SCFD1: variants seen among roughly 807,000 people sequenced by gnomAD.
SCFD1 encodes sec1 family domain-containing protein 1.
Under a neutral mutation model 103.2 loss-of-function variants are expected in SCFD1, and 37 were observed. The observed-to-expected ratio is 0.36, with a 90% CI of 0.28 to 0.47. The LOEUF is 0.47. Among genes scored for constraint, SCFD1 ranks in the 20% least tolerant of loss-of-function variants. The pLI, the probability that SCFD1 is intolerant of heterozygous loss-of-function variation, is 1.00. For missense variants in SCFD1, 639 were observed against 761.2 expected, an observed-to-expected ratio of 0.84 and a Z score of 1.89; for synonymous variants, 264 against 245.0, an observed-to-expected ratio of 1.08 and a Z score of -0.73.
intron 20 of SCFD1, among the ~76,000 whole-genome samples, chr14:30,718,568 T>A (rs1036243103): frequency 7.9e-5 from 12 of 152,248 alleles, no homozygotes; most frequent in South Asian, 2.1e-4. Context: ...ATGAAGAGAT[T>A]AGCAAAATGC....
rs1413340603 is a variant in SCFD1, at chr14:30,702,357, A to G, written c.1472A>G (p.Gln491Arg). ...TDAGCNLNPL[Q>R]YIKQWKAFTK... Reference sequence around the variant, plus strand: ...GCAGGATGCAACCTTAATCCTTTACAATATATCAAACAGTGGAAGTAAGTT... The same window carrying G: ...GCAGGATGCAACCTTAATCCTTTACGATATATCAAACAGTGGAAGTAAGTT... The change falls in exon 17 of 25, where the codon CAA (glutamine) becomes CGA (arginine). Residue 491 changes from glutamine (Q) to arginine (R), a missense_variant. By Grantham distance (43) the Gln-to-Arg change is conservative. Transcript: ENST00000458591. The G allele has an allele frequency of 1.9e-6, 3 of 1,587,294 alleles. No homozygotes were observed. The highest frequency in any genetic ancestry group is 2.6e-6 in the Non-Finnish European group (3 of 1,163,618).
intron 14 of SCFD1, 34 bp downstream of exon 14, chr14:30,675,099 T>C: frequency 8.3e-7 from 1 of 1,209,624 alleles, no homozygotes; most frequent in Non-Finnish European, 1.2e-6. Flanking sequence ...ACAATATGAC[T>C]TGCATTTACA....
rs537821402 is a variant in SCFD1, at chr14:30,625,697, GTATAGGTA to G, written c.62-2484_62-2477del. On this transcript the variant is annotated intron_variant, in intron 1 of 24. Coordinates refer to ENST00000458591, the MANE Select transcript of SCFD1 (RefSeq NM_016106.4). ...TAGGCATATAGGTATACCTATATAG[GTATAGGTA>G]TATAGGTATATAGGTATATAGGTAT... Among the ~76,000 whole-genome samples, 642 of 147,926 alleles carry G rather than the reference GTATAGGTA, an allele frequency of 4.3e-3. 3 individuals carry two copies. Among genetic ancestry groups the G allele is most frequent in the Admixed American group, 8.2e-3 (122 of 14,960 alleles).
intron 10 of SCFD1, among the ~76,000 whole-genome samples, chr14:30,659,041 A>G (rs367758243): frequency 6.6e-6 from 1 of 152,258 alleles, no homozygotes; most frequent in African/African-American, 2.4e-5. Flanking sequence ...GATTTCATTC[A>G]CTTTTTAAAA....
At chr14:30,665,874 A>C (rs1202419274) in intron 10 of SCFD1, among the ~76,000 whole-genome samples, 3 of 152,350 alleles carry the variant, frequency 2.0e-5, no homozygotes, top group East Asian at 3.9e-4. Context: ...CTAATACAGG[A>C]GCAAAACAAG....
chr14:30,649,949 A>G (rs1886243464), intron 8 of SCFD1, among the ~76,000 whole-genome samples: 1 of 152,238 alleles, frequency 6.6e-6, no homozygotes, highest in South Asian at 2.1e-4. Flanking sequence ...AACCATTTTT[A>G]AAATGAAGTG....
intron 15 of SCFD1, among the ~76,000 whole-genome samples, chr14:30,696,064 A>G (rs1479243324): frequency 6.6e-6 from 1 of 152,228 alleles, no homozygotes; most frequent in Non-Finnish European, 1.5e-5. Context: ...TTTCCAAAAC[A>G]AATGGAAAGC....
At chr14:30,693,792 A>G (rs564313086) in intron 14 of SCFD1, among the ~76,000 whole-genome samples, 170 of 152,274 alleles carry the variant, frequency 1.1e-3, no homozygotes, top group African/African-American at 3.9e-3. Flanking sequence ...CCTTAATTAT[A>G]AAAATTGTTT....
rs367677201 is a variant in SCFD1, at chr14:30,622,346, C to T, written c.8C>T (p.Ala3Val). Reference protein sequence around the residue: MAAAAAATAAAAA... With the variant: MAVAAAATAAAAA... ...TGGCTCGTGGGAGCCAAGATGGCGG[C>T]GGCGGCGGCAGCGACAGCAGCAGCA... Residue 3 changes from alanine (A) to valine (V), a missense_variant, in exon 1 of 25, where the codon GCG (alanine) becomes GTG (valine). Coordinates refer to ENST00000458591, the MANE Select transcript of SCFD1 (RefSeq NM_016106.4). The T allele has an allele frequency of 9.1e-5, 143 of 1,572,284 alleles. 1 individual carries two copies. The highest frequency in any genetic ancestry group is 8.3e-4 in the Middle Eastern group (5 of 6,038).
chr14:30,630,462 G>A lies in SCFD1; in HGVS notation c.133-15G>A, dbSNP rs1178826940. 6.8e-7 allele frequency: 1 copy of A among 1,468,442 alleles called. No homozygotes were observed. 91.0% of individuals were successfully genotyped at this position (1,468,442 alleles called of 1,614,324 possible). On this transcript the variant is annotated splice_polypyrimidine_tract_variant and intron_variant, in intron 2 of 24. Coordinates refer to ENST00000458591, the MANE Select transcript of SCFD1 (RefSeq NM_016106.4). ...TTGTTCACTGATAATGATGACACAT[G>A]GTTTTTTTTAATAGGTACTCATTTA...
At chr14:30,649,679 A>G in intron 8 of SCFD1, 96 bp downstream of exon 8, 2 of 892,148 alleles carry the variant, frequency 2.2e-6, no homozygotes, top group Non-Finnish European at 3.5e-6. Flanking sequence ...TAAATATATG[A>G]TTGCTTGGTT....
chr14:30,657,977 A>G, intron 10 of SCFD1: 1 of 402,416 alleles, frequency 2.5e-6, no homozygotes, highest in Admixed American at 3.2e-5. Context: ...GGTTAAAAAA[A>G]AAAAGAAAAA....
At chr14:30,637,761 C>T (rs769795029) in intron 4 of SCFD1, among the ~76,000 whole-genome samples, 1 of 152,134 alleles carries the variant, frequency 6.6e-6, no homozygotes, top group Non-Finnish European at 1.5e-5. Flanking sequence ...TGTGTCATCA[C>T]ATGTCCAGAA....
intron 14 of SCFD1, among the ~76,000 whole-genome samples, chr14:30,681,096 G>A (rs570176121): frequency 9.9e-5 from 15 of 151,818 alleles, no homozygotes; most frequent in South Asian, 4.2e-4. Flanking sequence ...ACATGGTGGC[G>A]CACACCTGTA....
At chr14:30,662,305 C>T (rs1454491326) in intron 10 of SCFD1, among the ~76,000 whole-genome samples, 1 of 152,136 alleles carries the variant, frequency 6.6e-6, no homozygotes, top group Non-Finnish European at 1.5e-5. Context: ...TAGGTGTGCT[C>T]ATCTTCAAAT....
At chr14:30,643,207 C>T (rs2139062268) in intron 6 of SCFD1, 109 bp from the exon 7 acceptor site, 1 of 807,008 alleles carries the variant, frequency 1.2e-6, no homozygotes, top group East Asian at 2.6e-5. Flanking sequence ...ATTTCACTTG[C>T]TGAGTTTTAT....
chr14:30,672,035 A>T (rs969987907), intron 11 of SCFD1, among the ~76,000 whole-genome samples: 2 of 151,624 alleles, frequency 1.3e-5, no homozygotes, highest in African/African-American at 4.9e-5. Flanking sequence ...AAAAGAAAGA[A>T]AAGATAAATT....
rs923329780 is a variant in SCFD1 at position 30,708,186 on chromosome 14, G to A, written c.1629+121G>A. The A allele has an allele frequency of 2.1e-5, 14 of 672,190 alleles. No homozygotes were observed. The East Asian group carries it at 3.6e-4, about 17-fold the overall frequency. 41.6% of individuals were successfully genotyped at this position (672,190 alleles called of 1,614,324 possible). Reference sequence around the variant, plus strand: ...TAATAAATAGGAATCATAAAATCAAGGAGTTCCTTTTTTTTTAAGTTCTGG... The same window carrying A: ...TAATAAATAGGAATCATAAAATCAAAGAGTTCCTTTTTTTTTAAGTTCTGG... On this transcript the variant is annotated intron_variant, in intron 19 of 24. Transcript: ENST00000458591.
At chr14:30,697,831 T>C (rs1042999157) in intron 15 of SCFD1, among the ~76,000 whole-genome samples, 9 of 152,204 alleles carry the variant, frequency 5.9e-5, no homozygotes, top group Admixed American at 1.3e-4. Context: ...ATGGAGGAAC[T>C]GTTTCATACA....
Sources: gnomAD v4.1 joint callset for allele counts (sites outside exome capture counted in the v4.1 genomes callset) on GRCh38, gnomAD v4.1.1 for gene constraint, MANE v1.5 for transcripts, NCBI Gene and HGNC (gene_info 2026-07-23, HGNC 2026-07-21) for gene names.